Variants in KCNK2 observed in about 807,000 individuals in gnomAD.
KCNK2 encodes potassium channel subfamily K member 2.
A neutral mutation model predicts 40.5 loss-of-function variants in KCNK2; 21 were observed. That is an observed-to-expected ratio of 0.52 (90% confidence interval 0.37 to 0.75). KCNK2 has a LOEUF of 0.75. Among genes scored for constraint, KCNK2 ranks in the 30% least tolerant of loss-of-function variants. The pLI is 0.00. For missense variants in KCNK2, 399 were observed against 531.6 expected (o/e 0.75, Z 2.45); for synonymous variants, 191 against 202.2 (o/e 0.94, Z 0.47).
intron 6 of KCNK2, among the ~76,000 whole-genome samples, chr1:215,219,156 T>C (rs1190921330): frequency 6.6e-6 from 1 of 152,194 alleles, no homozygotes; most frequent in African/African-American, 2.4e-5. Flanking sequence ...ACATCTTTGA[T>C]TTTACCAACT....
chr1:215,127,923 T>C (rs1260201205), intron 3 of KCNK2, among the ~76,000 whole-genome samples: 1 of 22,556 alleles, frequency 4.4e-5, no homozygotes, highest in African/African-American at 7.1e-5. Flanking sequence ...TTTGTTTGTC[T>C]ATTTATTAAT....
At chr1:215,054,532 C>T (rs566974583) in intron 1 of KCNK2, among the ~76,000 whole-genome samples, 16 of 152,258 alleles carry the variant, frequency 1.1e-4, no homozygotes, top group African/African-American at 3.6e-4. Flanking sequence ...TTCGATTCTC[C>T]GGTAGGCTGC....
intron 2 of KCNK2, among the ~76,000 whole-genome samples, chr1:215,123,368 TTTA>T (rs1361536524): frequency 6.6e-6 from 1 of 151,990 alleles, no homozygotes; most frequent in African/African-American, 2.4e-5. Context: ...ATGGGTACTT[TTTA>T]TTATCTTCTT....
chr1:215,129,462 A>G (rs1336762519), intron 3 of KCNK2, among the ~76,000 whole-genome samples: 2 of 152,200 alleles, frequency 1.3e-5, no homozygotes, highest in Admixed American at 6.5e-5. Flanking sequence ...CTCATGACAG[A>G]GAGTAGATGA....
At chr1:215,127,346 A>G (rs1433303444) in intron 3 of KCNK2, among the ~76,000 whole-genome samples, 2 of 152,224 alleles carry the variant, frequency 1.3e-5, no homozygotes, top group African/African-American at 2.4e-5. Flanking sequence ...ATTAAAATTT[A>G]AGACCAAAGT....
chr1:215,165,769 T>G (rs2102629791), intron 3 of KCNK2, among the ~76,000 whole-genome samples: 1 of 152,174 alleles, frequency 6.6e-6, no homozygotes, highest in African/African-American at 2.4e-5. Context: ...TTACTAGGTT[T>G]TGTCTTGACT....
At chr1:215,011,093 CAG>C (rs1266341468) in intron 1 of KCNK2, among the ~76,000 whole-genome samples, 1 of 151,460 alleles carries the variant, frequency 6.6e-6, no homozygotes, top group African/African-American at 2.4e-5. Context: ...AGTTTTGATA[CAG>C]AGTCTTGTAA....
rs536106078 is a variant in KCNK2, at chr1:215,165,950, A to G, written c.476-3249A>G. Among the ~76,000 whole-genome samples the G allele has an allele frequency of 4.6e-5, 7 of 152,268 alleles. No individual in the cohort carries two copies. In the South Asian group the frequency reaches 1.5e-3, roughly 32 times the overall value. ...TAAACTCTTGCTAGGTTTTCTCTTG[A>G]CTGATATCTTTCAATCAGTTAATTT... On this transcript the variant is annotated intron_variant, in intron 3 of 6. Coordinates refer to ENST00000444842, the MANE Select transcript of KCNK2 (RefSeq NM_001017425.3).
chr1:215,071,137 C>T (rs1658743577), intron 1 of KCNK2, among the ~76,000 whole-genome samples: 1 of 152,104 alleles, frequency 6.6e-6, no homozygotes, highest in Non-Finnish European at 1.5e-5. Flanking sequence ...CATGCTGGTT[C>T]CAATTGTTCT....
At chr1:215,130,037 G>A (rs1276947969) in intron 3 of KCNK2, among the ~76,000 whole-genome samples, 1 of 152,198 alleles carries the variant, frequency 6.6e-6, no homozygotes, top group Non-Finnish European at 1.5e-5. Flanking sequence ...ATGCTAATGA[G>A]GTGACTACTG....
At position 215,086,407 on chromosome 1, in the gene KCNK2, A is replaced by G. The variant is rs911929435; in HGVS notation, c.86A>G (p.Gln29Arg). The G allele has an allele frequency of 1.2e-6, 2 of 1,614,186 alleles. No homozygotes were observed. Among genetic ancestry groups the G allele is most frequent in the Non-Finnish European group, 8.5e-7 (1 of 1,180,026 alleles). Reference sequence around the variant, plus strand: ...TTGCTGGATCCTAAATCTGCCGCTCAGAACTCCAAACCGAGGCTCTCGTTT... The same window carrying G: ...TTGCTGGATCCTAAATCTGCCGCTCGGAACTCCAAACCGAGGCTCTCGTTT... ...PDLLDPKSAA[Q>R]NSKPRLSFST... is the part of the protein sequence containing the mutation. The change falls in exon 2 of 7, where the codon CAG (glutamine) becomes CGG (arginine). Residue 29 changes from glutamine to arginine, a missense_variant. By Grantham distance (43) the Gln-to-Arg change is conservative. Around this residue, in one of 3 missense-constraint regions of KCNK2, gnomAD observed 279 missense variants for 353.8 expected, o/e 0.79. Coordinates refer to ENST00000444842, the MANE Select transcript of KCNK2 (RefSeq NM_001017425.3).
At chr1:215,199,469 A>G (rs886411512) in intron 6 of KCNK2, among the ~76,000 whole-genome samples, 1 of 152,240 alleles carries the variant, frequency 6.6e-6, no homozygotes, top group Non-Finnish European at 1.5e-5. Flanking sequence ...GTTGAAACAT[A>G]CTATATATTC....
At chr1:215,173,367 C>G (rs1232207834) in intron 5 of KCNK2, among the ~76,000 whole-genome samples, 1 of 152,154 alleles carries the variant, frequency 6.6e-6, no homozygotes, top group Non-Finnish European at 1.5e-5. Context: ...TCCAGTCTAT[C>G]ATTGTTGGAC....
chr1:215,168,139 A>C lies in KCNK2; in HGVS notation c.476-1060A>C, dbSNP rs1336846497. On this transcript the variant is annotated intron_variant, in intron 3 of 6. Transcript: ENST00000444842. Reference sequence around the variant, plus strand: ...GCTCAACATCACTGATCATTAGAGAAATACAAATCAAAAGCACAATGAGAT... The same window carrying C: ...GCTCAACATCACTGATCATTAGAGACATACAAATCAAAAGCACAATGAGAT... 2.0e-5 allele frequency among the ~76,000 whole-genome samples: 3 copies of C among 152,250 alleles called. No individual in the cohort carries two copies. The East Asian group carries it at 5.8e-4, about 29-fold the overall frequency.
chr1:215,218,956 GCT>G (rs1202159212), intron 6 of KCNK2, among the ~76,000 whole-genome samples: 1 of 152,110 alleles, frequency 6.6e-6, no homozygotes, highest in Non-Finnish European at 1.5e-5. Context: ...AAACCTTTTT[GCT>G]CTCACTAAAC....
At chr1:215,095,429 G>A (rs1041096879) in intron 2 of KCNK2, among the ~76,000 whole-genome samples, 13 of 152,034 alleles carry the variant, frequency 8.6e-5, no homozygotes, top group Non-Finnish European at 1.6e-4. Flanking sequence ...CTTCTGTCTT[G>A]CTTTGTTAGG....
intron 6 of KCNK2, among the ~76,000 whole-genome samples, chr1:215,233,579 T>C (rs1558151626): frequency 6.6e-6 from 1 of 152,198 alleles, no homozygotes; most frequent in Non-Finnish European, 1.5e-5. Context: ...TGTAAACATT[T>C]AGAAACTATC....
chr1:215,006,040 A>T, intron 1 of KCNK2: 2 of 1,116,664 alleles, frequency 1.8e-6, no homozygotes, highest in Non-Finnish European at 2.7e-6. Flanking sequence ...CAAGTATTTG[A>T]TGTAAGGAGT....
At chr1:215,166,253 T>C (rs1663438801) in intron 3 of KCNK2, among the ~76,000 whole-genome samples, 1 of 152,064 alleles carries the variant, frequency 6.6e-6, no homozygotes, top group Admixed American at 6.6e-5. Context: ...GATCTGGGGA[T>C]GTTATGAGTC....
Sources: allele counts gnomAD v4.1 joint callset (sites outside exome capture counted in the v4.1 genomes callset), GRCh38; gene constraint gnomAD v4.1.1; regional missense constraint gnomAD v4.1.1; transcripts MANE v1.5; gene names NCBI Gene and HGNC (gene_info 2026-07-23, HGNC 2026-07-21).